Variants in RGN observed in about 807,000 individuals in gnomAD.
The protein encoded by RGN is epididymis secretory protein Li 41.
RGN carries 19 observed loss-of-function variants against 20.6 expected under a neutral mutation model. The observed-to-expected ratio is 0.92, with a 90% CI of 0.64 to 1.35. RGN has a LOEUF of 1.35. RGN is among the 40% of genes most tolerant of loss of function. The pLI is 0.00. For missense variants in RGN, 302 were observed against 232.7 expected, an observed-to-expected ratio of 1.30 and a Z score of -1.94; for synonymous variants, 85 against 87.2, an observed-to-expected ratio of 0.97 and a Z score of 0.14.
intron 3 of RGN, 67 bp from the exon 4 acceptor site, chrX:47,084,351 A>G (rs1177046297): frequency 2.1e-6 from 2 of 966,854 alleles, no homozygotes; most frequent in Non-Finnish European, 2.8e-6. Flanking sequence ...GCCAGGTAGC[A>G]CAGTGATCTC....
At chrX:47,079,596 A>C (rs1602438319) in intron 1 of RGN, among the ~76,000 whole-genome samples, 1 of 107,251 alleles carries the variant, frequency 9.3e-6, no homozygotes, top group East Asian at 2.9e-4. Context: ...GTGCCCAGCC[A>C]ATTTTTTTGT....
rs782305809 is a variant in RGN, at chrX:47,084,423, C to G, written c.169C>G (p.Pro57Ala). 8.3e-7 allele frequency: 1 copy of G among 1,198,230 alleles called. No individual in the cohort carries two copies. The highest frequency in any genetic ancestry group is 1.1e-6 in the Non-Finnish European group (1 of 888,636). ...KQVQRVTMDA[P>A]VSSVALRQSG... ...CTGTTGCTTTACCTCTACAGATGCC[C>G]CAGTCAGCTCCGTGGCTCTTCGCCA... Residue 57 changes from proline (P) to alanine (A), a missense_variant, in exon 4 of 8, where the codon CCA (proline) becomes GCA (alanine). Physicochemically the swap from Pro to Ala is conservative, Grantham distance 27. Transcript: ENST00000397180.
chrX:47,089,598 TACACACACAC>T (rs200155890), intron 4 of RGN, among the ~76,000 whole-genome samples, 168 bp from the exon 5 acceptor site: 12 of 69,992 alleles, frequency 1.7e-4, no homozygotes, highest in Admixed American at 4.3e-4. Context: ...TATATATATA[TACACACACAC>T]ACACACACAC....
Position 47,086,283 on chromosome X carries a change from T to A in RGN, c.346+1683T>A, listed in dbSNP as rs147028738. ...AATGTTCTGTTCTCAGGGTAACCCATCTGGAGGTACACGATGTCCGTGTGT... is the reference window on the plus strand; with the variant it reads ...AATGTTCTGTTCTCAGGGTAACCCAACTGGAGGTACACGATGTCCGTGTGT... On this transcript the variant is annotated intron_variant, in intron 4 of 7. Transcript: ENST00000397180. 2.5e-3 allele frequency among the ~76,000 whole-genome samples: 283 copies of A among 111,434 alleles called. 1 individual carries two copies. The highest frequency in any genetic ancestry group is 0.014 in the Middle Eastern group (3 of 216).
intron 7 of RGN, among the ~76,000 whole-genome samples, chrX:47,092,480 C>T (rs1159856863): frequency 3.6e-5 from 4 of 111,885 alleles, no homozygotes; most frequent in African/African-American, 1.3e-4. Context: ...GTAGAATGAA[C>T]TTGGAAAGCC....
intron 4 of RGN, among the ~76,000 whole-genome samples, chrX:47,089,304 C>G (rs1266215469): frequency 4.0e-5 from 3 of 74,238 alleles, no homozygotes; most frequent in Admixed American, 1.9e-4. Flanking sequence ...CTTCTAGGCA[C>G]AGTTTTAATT....
At chrX:47,090,968 GAAAGA>G (rs1556387589) in intron 5 of RGN, among the ~76,000 whole-genome samples, 1 of 106,862 alleles carries the variant, frequency 9.4e-6, no homozygotes, top group South Asian at 4.2e-4. Flanking sequence ...AAGAAAGAAA[GAAAGA>G]AAGAAAGAAA....
At chrX:47,084,239 T>C (rs782664089) in intron 3 of RGN, among the ~76,000 whole-genome samples, 179 bp from the exon 4 acceptor site, 2 of 111,248 alleles carry the variant, frequency 1.8e-5, no homozygotes, top group South Asian at 7.6e-4. Context: ...GCACACAAAA[T>C]TCATACTCAA....
chrX:47,088,544 C>T lies in RGN; in HGVS notation c.347-1232C>T, dbSNP rs782784886. Among the ~76,000 whole-genome samples the T allele has an allele frequency of 4.5e-5, 5 of 110,827 alleles. No individual in the cohort carries two copies. In the South Asian group the frequency reaches 1.9e-3, roughly 42 times the overall value. On this transcript the variant is annotated intron_variant, in intron 4 of 7. Transcript: ENST00000397180. ...TTCGGCATCTGTTGATTCTCTTCTC[C>T]TATGTGAGTTGAGATTTCCATGTTT...
intron 4 of RGN, among the ~76,000 whole-genome samples, chrX:47,088,258 A>G (rs1419282347): frequency 9.2e-6 from 1 of 108,285 alleles, no homozygotes; most frequent in Non-Finnish European, 1.9e-5. Flanking sequence ...TTGTTACTAG[A>G]TAATGAAGCC....
rs782568640 is a variant in RGN at position 47,081,312 on chromosome X, G to C, written c.163+5G>C. The C allele has an allele frequency of 1.2e-5, 15 of 1,206,626 alleles. No homozygotes were observed. The East Asian group carries it at 4.2e-4, about 33-fold the overall frequency. On this transcript the variant is annotated splice_donor_5th_base_variant and intron_variant, in intron 3 of 7. Coordinates refer to ENST00000397180, the MANE Select transcript of RGN (RefSeq NM_152869.4). Reference sequence around the variant, plus strand: ...AAGTACAGCGAGTGACCATGGGTAAGGATGAAGGCTGGACTCAGATCAGCC... The same window carrying C: ...AAGTACAGCGAGTGACCATGGGTAACGATGAAGGCTGGACTCAGATCAGCC...
intron 3 of RGN, among the ~76,000 whole-genome samples, chrX:47,083,078 C>T (rs982750782): frequency 1.8e-5 from 2 of 110,407 alleles, no homozygotes; most frequent in African/African-American, 6.6e-5. Context: ...AATCTCTCCA[C>T]TTAAAAAAAT....
chrX:47,078,955 C>CCT (rs1930158334), intron 1 of RGN, among the ~76,000 whole-genome samples: 1 of 78,617 alleles, frequency 1.3e-5, no homozygotes, highest in Non-Finnish European at 2.4e-5. Context: ...CCCACCCCCG[C>CCT]TTTTTTTTTT....
chrX:47,084,659 C>T, intron 4 of RGN, 59 bp downstream of exon 4: 1 of 1,034,038 alleles, frequency 9.7e-7, no homozygotes, highest in Non-Finnish European at 1.3e-6. Context: ...CTTTGACATA[C>T]AAAGTTCTCA....
At position 47,091,673 on chromosome X, in the gene RGN, C is replaced by T; in HGVS notation, c.563-5C>T. The T allele has an allele frequency of 8.3e-7, 1 of 1,201,660 alleles. No homozygotes were observed. The highest frequency in any genetic ancestry group is 1.1e-6 in the Non-Finnish European group (1 of 892,030). On this transcript the variant is annotated splice_polypyrimidine_tract_variant and splice_region_variant and intron_variant, in intron 5 of 7. Transcript: ENST00000397180. ...TCTGTTTTTGTTTTTGCCTTTTAACCATAGCCAACCGCAGAAGTGTTTACA... is the reference window on the plus strand; with the variant it reads ...TCTGTTTTTGTTTTTGCCTTTTAACTATAGCCAACCGCAGAAGTGTTTACA...
intron 1 of RGN, among the ~76,000 whole-genome samples, chrX:47,079,915 G>A (rs1235823107): frequency 9.0e-6 from 1 of 111,044 alleles, no homozygotes. Flanking sequence ...ACAGGTTCTC[G>A]CTCTGTTGCC....
rs1930262806 is a variant in RGN at position 47,080,821 on chromosome X, G to A, written c.-131G>A. On this transcript the variant is annotated 5_prime_UTR_variant, in exon 2 of 8. Transcript: ENST00000397180. ...GGCCCAGGGTATTGACATAAAGGACGGCCTTGCACTATTTCAACAGCCAGT... is the reference window on the plus strand; with the variant it reads ...GGCCCAGGGTATTGACATAAAGGACAGCCTTGCACTATTTCAACAGCCAGT... 2 of 177,534 alleles carry A rather than the reference G, an allele frequency of 1.1e-5. No individual in the cohort carries two copies. The highest frequency in any genetic ancestry group is 2.1e-5 in the Non-Finnish European group (2 of 96,854). 14.6% of individuals were successfully genotyped at this position (177,534 alleles called of 1,213,427 possible). A position where few individuals can be genotyped will look rare whatever the true frequency, so the allele number is the denominator to read the frequency against.
intron 3 of RGN, among the ~76,000 whole-genome samples, chrX:47,082,058 C>T (rs781944810): frequency 8.9e-6 from 1 of 111,748 alleles, no homozygotes; most frequent in African/African-American, 3.2e-5. Context: ...CAACCAGGAC[C>T]GTCTTTGTTT....
rs1431077698 is a variant in RGN at position 47,092,909 on chromosome X, G to A, written c.862G>A (p.Gly288Arg). The A allele has an allele frequency of 3.3e-6, 4 of 1,204,882 alleles. No homozygotes were observed. In the African/African-American group the frequency reaches 5.3e-5, roughly 16 times the overall value. Residue 288 changes from glycine (G) to arginine (R), a missense_variant, in exon 8 of 8, where the codon GGG (glycine) becomes AGG (arginine). By Grantham distance (125) the Gly-to-Arg change is moderately radical (BLOSUM62 -2). Coordinates refer to ENST00000397180, the MANE Select transcript of RGN (RefSeq NM_152869.4). ...TCTTTTTCAACAGATAACTGGTCTG[G>A]GGGTCAAAGGAATTGCTCCCTACTC... ...AGGIFKITGL[G>R]VKGIAPYSYA...
Sources: gnomAD v4.1 joint callset for allele counts (sites outside exome capture counted in the v4.1 genomes callset) on GRCh38, gnomAD v4.1.1 for gene constraint, MANE v1.5 for transcripts, NCBI Gene and HGNC (gene_info 2026-07-23, HGNC 2026-07-21) for gene names.